HS2ST1: variants seen among roughly 807,000 people sequenced by gnomAD.
HS2ST1 encodes 2-O-sulfotransferase.
In HS2ST1, 18 loss-of-function variants were observed where a neutral mutation model predicts 42.9. That is an observed-to-expected ratio of 0.42 (90% CI 0.29 to 0.62). The LOEUF (loss-of-function observed/expected upper bound fraction) is 0.62, where lower values mean the gene tolerates loss of function less well. HS2ST1 is among the 20% of genes least tolerant of loss of function. The pLI, the probability that HS2ST1 is intolerant of heterozygous loss-of-function variation, is 0.21. For missense variants in HS2ST1, 334 were observed against 433.8 expected (o/e 0.77, Z 2.04); for synonymous variants, 146 against 152.9 (o/e 0.95, Z 0.33).
chr1:86,945,496 A>G (rs1233235773), intron 1 of HS2ST1, among the ~76,000 whole-genome samples: 1 of 152,186 alleles, frequency 6.6e-6, no homozygotes, highest in African/African-American at 2.4e-5. Context: ...AGGTTATAAG[A>G]CTCATGGAGC....
chr1:87,025,414 A>C (rs1650058846), intron 1 of HS2ST1, among the ~76,000 whole-genome samples: 1 of 152,214 alleles, frequency 6.6e-6, no homozygotes, highest in Non-Finnish European at 1.5e-5. Context: ...TTATTGGCAG[A>C]ACCTAGCAGG....
At chr1:86,971,570 A>G (rs1405770609) in intron 1 of HS2ST1, among the ~76,000 whole-genome samples, 1 of 152,220 alleles carries the variant, frequency 6.6e-6, no homozygotes, top group Non-Finnish European at 1.5e-5. Flanking sequence ...TGGAATTTGA[A>G]TAAAAGTGAT....
rs1472205422 is a variant in HS2ST1, at chr1:86,985,489, T to TATATACAC, written c.124+70334_124+70335insCACATATA. ...ACACATATATACACATATATACACA[T>TATATACAC]ATATATACACATATATACACATATA... On this transcript the variant is annotated intron_variant, in intron 1 of 6. Coordinates refer to ENST00000370550, the MANE Select transcript of HS2ST1 (RefSeq NM_012262.4). Among the ~76,000 whole-genome samples the TATATACAC allele has an allele frequency of 7.9e-3, 724 of 91,972 alleles. 21 individuals are homozygous for TATATACAC. The highest frequency in any genetic ancestry group is 0.027 in the African/African-American group (706 of 26,200). 60.3% of individuals were successfully genotyped at this position (91,972 alleles called of 152,430 possible).
At chr1:87,050,376 T>C (rs1650801911) in intron 1 of HS2ST1, among the ~76,000 whole-genome samples, 1 of 152,024 alleles carries the variant, frequency 6.6e-6, no homozygotes, top group South Asian at 2.1e-4. Context: ...CGAACTTTGT[T>C]TTATTTAGAC....
At chr1:87,076,669 G>T (rs1412438869) in intron 2 of HS2ST1, among the ~76,000 whole-genome samples, 2 of 152,156 alleles carry the variant, frequency 1.3e-5, no homozygotes, top group Non-Finnish European at 2.9e-5. Flanking sequence ...AGAGGAATTG[G>T]CAAGAGATAG....
At chr1:86,941,643 G>A (rs1478953198) in intron 1 of HS2ST1, among the ~76,000 whole-genome samples, 10 of 151,780 alleles carry the variant, frequency 6.6e-5, no homozygotes, top group Admixed American at 2.0e-4. Context: ...GCATTGTGGC[G>A]GGTGTCTGTA....
intron 1 of HS2ST1, among the ~76,000 whole-genome samples, chr1:86,958,133 A>G (rs1453075363): frequency 6.6e-6 from 1 of 152,152 alleles, no homozygotes; most frequent in Non-Finnish European, 1.5e-5. Flanking sequence ...CCCTTCAACA[A>G]TGAGAGGATC....
chr1:86,964,323 GC>G (rs1322091219), intron 1 of HS2ST1, among the ~76,000 whole-genome samples: 2 of 152,210 alleles, frequency 1.3e-5, no homozygotes, highest in African/African-American at 4.8e-5. Flanking sequence ...CCGAGATCAC[GC>G]CACCGCACTC....
chr1:87,014,202 A>G (rs115564162), intron 1 of HS2ST1, among the ~76,000 whole-genome samples: 2 of 152,220 alleles, frequency 1.3e-5, no homozygotes, highest in Non-Finnish European at 2.9e-5. Flanking sequence ...GAGACTGGTC[A>G]TTTATAAAGG....
chr1:86,980,096 T>G (rs1406741632), intron 1 of HS2ST1, among the ~76,000 whole-genome samples: 1 of 152,200 alleles, frequency 6.6e-6, no homozygotes, highest in African/African-American at 2.4e-5. Context: ...AATTGCTAAA[T>G]AAGTTCATTC....
At chr1:87,006,800 A>G (rs1023687639) in intron 1 of HS2ST1, among the ~76,000 whole-genome samples, 2 of 152,148 alleles carry the variant, frequency 1.3e-5, no homozygotes, top group African/African-American at 4.8e-5. Context: ...TGCTAACATA[A>G]GATAATAGCT....
Position 86,992,938 on chromosome 1 carries a change from G to T in HS2ST1, c.124+77778G>T. 7.9e-6 allele frequency: 6 copies of T among 763,408 alleles called. No individual in the cohort carries two copies. The South Asian group carries it at 1.3e-4, about 16-fold the overall frequency. The allele number at this position is 763,408 out of a possible 1,614,324, so 47.3% of individuals were successfully genotyped here. A position where few individuals can be genotyped will look rare whatever the true frequency, so the allele number is the denominator to read the frequency against. Reference sequence around the variant, plus strand: ...AAGTATGAGCTAACTGTAATAAACTGGGGGAAACTTAGCAAGGCCTGTTTG... The same window carrying T: ...AAGTATGAGCTAACTGTAATAAACTTGGGGAAACTTAGCAAGGCCTGTTTG... On this transcript the variant is annotated intron_variant, in intron 1 of 6. Coordinates refer to ENST00000370550, the MANE Select transcript of HS2ST1 (RefSeq NM_012262.4).
chr1:86,914,983 GGGGTCCCGC>G lies in HS2ST1; in HGVS notation c.-53_-45del. On this transcript the variant is annotated 5_prime_UTR_variant, in exon 1 of 7. Coordinates refer to ENST00000370550, the MANE Select transcript of HS2ST1 (RefSeq NM_012262.4). ...TCCTCCCGGCGTCTCTCTCGCCTCC[GGGGTCCCGC>G]TCCCCGCCCCCCGCGGTATGTCTTG... 2 of 1,608,156 alleles carry G rather than the reference GGGGTCCCGC, an allele frequency of 1.2e-6. No individual in the cohort carries two copies. Among genetic ancestry groups the G allele is most frequent in the Non-Finnish European group, 8.5e-7 (1 of 1,178,458 alleles).
chr1:87,037,597 A>T (rs1427103611), intron 1 of HS2ST1, among the ~76,000 whole-genome samples: 5 of 145,842 alleles, frequency 3.4e-5, no homozygotes, highest in Admixed American at 6.9e-5. Context: ...ATAAAGTTGA[A>T]TTTTTTTTTT....
chr1:86,973,790 C>T (rs1008597879), intron 1 of HS2ST1, among the ~76,000 whole-genome samples: 5 of 151,996 alleles, frequency 3.3e-5, no homozygotes, highest in African/African-American at 1.2e-4. Context: ...TCCTTGAACC[C>T]AGTTTTCCAT....
intron 1 of HS2ST1, chr1:87,045,078 G>T (rs1002380730): frequency 9.7e-7 from 1 of 1,028,416 alleles, no homozygotes. Flanking sequence ...TTCTTCATCC[G>T]AATCAACTGT....
intron 1 of HS2ST1, 41 bp downstream of exon 1, chr1:86,915,201 G>A: frequency 1.3e-6 from 2 of 1,568,722 alleles, no homozygotes; most frequent in South Asian, 2.3e-5. Flanking sequence ...CTGTGGAAGG[G>A]GCCGAGGAGG....
intron 1 of HS2ST1, among the ~76,000 whole-genome samples, chr1:86,985,212 G>A (rs1648721926): frequency 1.3e-5 from 2 of 149,808 alleles, no homozygotes; most frequent in South Asian, 2.1e-4. Flanking sequence ...AAAATTAGCT[G>A]GGCGTGGTGG....
At chr1:86,962,662 A>C (rs1045164316) in intron 1 of HS2ST1, among the ~76,000 whole-genome samples, 2 of 152,246 alleles carry the variant, frequency 1.3e-5, no homozygotes, top group Non-Finnish European at 2.9e-5. Flanking sequence ...TGTGATTTAC[A>C]GGTGAATTAC....
Sources: gnomAD v4.1 joint callset for allele counts (sites outside exome capture counted in the v4.1 genomes callset) on GRCh38, gnomAD v4.1.1 for gene constraint, MANE v1.5 for transcripts, NCBI Gene and HGNC (gene_info 2026-07-23, HGNC 2026-07-21) for gene names.